Variants in KIAA1217 observed in about 807,000 individuals in gnomAD.
KIAA1217 encodes sickle tail protein homolog.
Under a neutral mutation model 163.9 loss-of-function variants are expected in KIAA1217, and 88 were observed. The observed-to-expected ratio is 0.54, with a 90% CI of 0.45 to 0.64. The LOEUF (loss-of-function observed/expected upper bound fraction) is 0.64, where lower values mean the gene tolerates loss of function less well. Among genes scored for constraint, KIAA1217 ranks in the 30% least tolerant of loss-of-function variants. KIAA1217 has a pLI of 0.00. For synonymous variants in KIAA1217, 903 were observed against 923.1 expected, an observed-to-expected ratio of 0.98 and a Z score of 0.39; for missense variants, 2,372 against 2,475.0, an observed-to-expected ratio of 0.96 and a Z score of 0.88.
At chr10:24,336,027 G>C (rs185905220) in intron 2 of KIAA1217, among the ~76,000 whole-genome samples, 1 of 152,340 alleles carries the variant, frequency 6.6e-6, no homozygotes, top group East Asian at 1.9e-4. Flanking sequence ...AATCACCTGA[G>C]GTCAGGTGTT....
chr10:24,077,691 A>G (rs2061411923), intron 2 of KIAA1217, among the ~76,000 whole-genome samples: 1 of 152,218 alleles, frequency 6.6e-6, no homozygotes, highest in South Asian at 2.1e-4. Flanking sequence ...CTCTGGATGT[A>G]TAACTGGTAA....
intron 1 of KIAA1217, among the ~76,000 whole-genome samples, chr10:23,987,104 G>A (rs577165407): frequency 5.3e-5 from 8 of 152,146 alleles, no homozygotes; most frequent in South Asian, 2.1e-4. Context: ...AGGGCCAGGC[G>A]TGGTGGCTCA....
intron 1 of KIAA1217, among the ~76,000 whole-genome samples, chr10:23,776,071 G>A (rs1385066367): frequency 1.3e-5 from 2 of 152,124 alleles, no homozygotes; most frequent in Non-Finnish European, 2.9e-5. Flanking sequence ...GGCAGGTCAT[G>A]TTCAGAAAAA....
Position 24,193,321 on chromosome 10 carries a change from G to A in KIAA1217, c.-170-26305G>A, listed in dbSNP as rs142662675. ...AACTCTGATTTTATAGGAGTCCTGC[G>A]GACTTATCTGGAGAGAAAATTTGCT... On this transcript the variant is annotated intron_variant, in intron 2 of 18. Coordinates refer to the KIAA1217 transcript ENST00000376462. Among the ~76,000 whole-genome samples the A allele has an allele frequency of 4.6e-3, 704 of 152,284 alleles. 2 individuals are homozygous for A. Among genetic ancestry groups the A allele is most frequent in the Non-Finnish European group, 6.4e-3 (434 of 68,030 alleles).
intron 2 of KIAA1217, among the ~76,000 whole-genome samples, chr10:24,092,222 A>G (rs1222631323): frequency 1.3e-5 from 2 of 151,630 alleles, no homozygotes; most frequent in Non-Finnish European, 2.9e-5. Context: ...GTCAGCTGAA[A>G]TTATCCATGT....
intron 3 of KIAA1217, among the ~76,000 whole-genome samples, chr10:24,402,516 C>CAAAAAAAAAAAAAAAAAAAA (rs372012492): frequency 6.5e-5 from 6 of 92,962 alleles, no homozygotes; most frequent in South Asian, 3.8e-4. Flanking sequence ...CTCAAAAAAA[C>CAAAAAAAAAAAAAAAAAAAA]AAAAAACAAA....
In KIAA1217 at chr10:23,918,733, TACAC is replaced by T. The variant is rs1554823731; in HGVS notation, c.-320-88462_-320-88459del. 7.3e-3 allele frequency among the ~76,000 whole-genome samples: 1,081 copies of T among 147,540 alleles called. 7 individuals carry two copies. The highest frequency in any genetic ancestry group is 0.021 in the African/African-American group (860 of 40,014). On this transcript the variant is annotated intron_variant, in intron 1 of 18. Coordinates refer to the KIAA1217 transcript ENST00000376462. ...GTGTGATCTTTAAGAATTAAATATA[TACAC>T]ACACACACACACACACACACACACA...
At chr10:24,118,549 G>T (rs551891672) in intron 2 of KIAA1217, among the ~76,000 whole-genome samples, 1 of 152,104 alleles carries the variant, frequency 6.6e-6, no homozygotes, top group Non-Finnish European at 1.5e-5. Flanking sequence ...ACATCCTCAC[G>T]TTGCTGTAAA....
At chr10:24,169,536 C>A (rs1313301253) in intron 2 of KIAA1217, among the ~76,000 whole-genome samples, 3 of 152,178 alleles carry the variant, frequency 2.0e-5, no homozygotes, top group Non-Finnish European at 1.5e-5. Context: ...CCTGCCATAA[C>A]TGAATACCTA....
At chr10:23,919,244 TTTAAG>T (rs1200926525) in intron 1 of KIAA1217, among the ~76,000 whole-genome samples, 1 of 152,002 alleles carries the variant, frequency 6.6e-6, no homozygotes, top group Non-Finnish European at 1.5e-5. Flanking sequence ...TCATTTTTTT[TTTAAG>T]TTATTTATTT....
chr10:24,057,675 T>C (rs2060576289), intron 2 of KIAA1217, among the ~76,000 whole-genome samples: 1 of 152,258 alleles, frequency 6.6e-6, no homozygotes, highest in South Asian at 2.1e-4. Flanking sequence ...TATTTTAATA[T>C]ACCTACTGGA....
intron 2 of KIAA1217, among the ~76,000 whole-genome samples, chr10:24,188,989 C>T (rs893534563): frequency 2.5e-4 from 38 of 151,626 alleles, no homozygotes; most frequent in African/African-American, 8.0e-4. Flanking sequence ...GCCTGTAGTC[C>T]CAGCTACTCT....
At chr10:23,956,419 T>C (rs545645170) in intron 1 of KIAA1217, among the ~76,000 whole-genome samples, 1 of 152,208 alleles carries the variant, frequency 6.6e-6, no homozygotes, top group South Asian at 2.1e-4. Context: ...TCAGCAAACA[T>C]AATTGAAGAC....
At position 24,419,031 on chromosome 10, in the gene KIAA1217, G is replaced by A. The variant is rs1049291044; in HGVS notation, c.554-13964G>A. Among the ~76,000 whole-genome samples the A allele has an allele frequency of 2.6e-5, 4 of 152,046 alleles. No individual in the cohort carries two copies. In the East Asian group the frequency reaches 7.8e-4, roughly 29 times the overall value. On this transcript the variant is annotated intron_variant, in intron 3 of 20. Coordinates refer to ENST00000376454, the MANE Select transcript of KIAA1217 (RefSeq NM_019590.5). Reference sequence around the variant, plus strand: ...GTCTCTACTAAAAATACAAAAATTAGCTGAGTGTGGTGGCAAGTGCCTGTA... The same window carrying A: ...GTCTCTACTAAAAATACAAAAATTAACTGAGTGTGGTGGCAAGTGCCTGTA...
chr10:23,740,042 T>A (rs375850896), intron 1 of KIAA1217, among the ~76,000 whole-genome samples: 607 of 145,956 alleles, frequency 4.2e-3, no homozygotes, highest in African/African-American at 0.014. Flanking sequence ...GGGGGTTCCA[T>A]TTTATACATC....
At chr10:24,204,217 T>C (rs2067423461), upstream of KIAA1217, among the ~76,000 whole-genome samples, 2 of 152,160 alleles carry the variant, frequency 1.3e-5, no homozygotes, top group Admixed American at 6.5e-5. Context: ...ACCTCACTTA[T>C]TGTCTGGCAG....
At chr10:24,099,532 G>T (rs2131711234) in intron 2 of KIAA1217, among the ~76,000 whole-genome samples, 1 of 148,356 alleles carries the variant, frequency 6.7e-6, no homozygotes, top group East Asian at 2.0e-4. Flanking sequence ...TTTTATGGCT[G>T]CATAGTATTC....
chr10:24,095,509 A>G (rs999505076), intron 2 of KIAA1217, among the ~76,000 whole-genome samples: 14 of 151,434 alleles, frequency 9.2e-5, no homozygotes, highest in African/African-American at 3.4e-4. Context: ...TCCAGAAACC[A>G]CCCTCTCCAG....
chr10:24,031,031 G>A (rs1047154335), intron 2 of KIAA1217, among the ~76,000 whole-genome samples: 1 of 151,942 alleles, frequency 6.6e-6, no homozygotes, highest in Non-Finnish European at 1.5e-5. Flanking sequence ...CATTTTTTGG[G>A]GGGTATATCC....
Sources: gnomAD v4.1 joint callset for allele counts (sites outside exome capture counted in the v4.1 genomes callset) on GRCh38, gnomAD v4.1.1 for gene constraint, MANE v1.5 for transcripts, NCBI Gene and HGNC (gene_info 2026-07-23, HGNC 2026-07-21) for gene names.